Variants in TEKT3 observed in about 807,000 individuals in gnomAD.
The protein encoded by TEKT3 is tektin-3.
In TEKT3, 49 loss-of-function variants were observed where a neutral mutation model predicts 49.8. The observed-to-expected ratio is 0.98, with a 90% confidence interval of 0.78 to 1.25. The LOEUF (loss-of-function observed/expected upper bound fraction) is 1.25. Among genes scored for constraint, TEKT3 ranks in the 50% most tolerant of loss-of-function variants. TEKT3 has a pLI of 0.00. For synonymous variants in TEKT3, 225 were observed against 237.2 expected, an observed-to-expected ratio of 0.95 and a Z score of 0.47; for missense variants, 595 against 629.5, an observed-to-expected ratio of 0.95 and a Z score of 0.59.
chr17:15,337,795 C>A (rs1912050888), intron 2 of TEKT3, among the ~76,000 whole-genome samples: 1 of 152,106 alleles, frequency 6.6e-6, no homozygotes, highest in South Asian at 2.1e-4. Flanking sequence ...GAGCCGAGAT[C>A]ATGCCACTGC....
intron 4 of TEKT3, among the ~76,000 whole-genome samples, chr17:15,323,861 C>T (rs560425318): frequency 6.7e-6 from 1 of 150,198 alleles, no homozygotes; most frequent in Non-Finnish European, 1.5e-5. Context: ...GATAAAGGAC[C>T]CCCCTGCTAC....
chr17:15,333,694 G>T (rs1440384670), intron 2 of TEKT3, among the ~76,000 whole-genome samples: 1 of 150,680 alleles, frequency 6.6e-6, no homozygotes, highest in Non-Finnish European at 1.5e-5. Flanking sequence ...AACTTCAAGT[G>T]GTGATGGACC....
intron 2 of TEKT3, among the ~76,000 whole-genome samples, chr17:15,332,185 C>T (rs1033933241): frequency 1.3e-5 from 2 of 151,808 alleles, no homozygotes; most frequent in African/African-American, 4.8e-5. Context: ...AGAGAGACTC[C>T]GTCTAAAAAA....
intron 3 of TEKT3, 45 bp downstream of exon 3, chr17:15,330,962 G>T: frequency 6.7e-7 from 1 of 1,502,084 alleles, no homozygotes. Context: ...TCAACCAGTG[G>T]GTTATAATCA....
chr17:15,310,703 A>C (rs978003761), intron 7 of TEKT3, among the ~76,000 whole-genome samples: 11 of 152,154 alleles, frequency 7.2e-5, no homozygotes, highest in Admixed American at 2.6e-4. Flanking sequence ...TGGTACTTTG[A>C]GTTAGGGCAG....
chr17:15,333,864 A>G (rs1005606946), intron 2 of TEKT3, among the ~76,000 whole-genome samples: 1 of 151,820 alleles, frequency 6.6e-6, no homozygotes, highest in Non-Finnish European at 1.5e-5. Context: ...GGTTCACACC[A>G]TTCTCCTGCC....
chr17:15,319,122 T>G lies in TEKT3; in HGVS notation c.689A>C (p.Gln230Pro), dbSNP rs1911145242. ...LTEVDTILCCQERMKLHLDKA... is the reference protein window; with the variant it reads ...LTEVDTILCCPERMKLHLDKA... ...ATCCAAATGTAGCTTCATTCTTTCT[T>G]GACAACACAGAATAGTATCAACTTC... Residue 230 changes from glutamine (Q) to proline (P), a missense_variant, in exon 5 of 9, where the codon CAA becomes CCA. Gln to Pro is a moderately conservative substitution (Grantham distance 76, BLOSUM62 -1). Transcript: ENST00000395930. 1 of 1,611,354 alleles carries G rather than the reference T, an allele frequency of 6.2e-7. No homozygotes were observed. Among genetic ancestry groups the G allele is most frequent in the Non-Finnish European group, 8.5e-7 (1 of 1,179,050 alleles).
chr17:15,338,293 A>C (rs752414914), intron 2 of TEKT3, among the ~76,000 whole-genome samples: 3 of 152,202 alleles, frequency 2.0e-5, no homozygotes, highest in Non-Finnish European at 2.9e-5. Context: ...AAGAGTTAGA[A>C]AACCTGAGTA....
At chr17:15,309,132 A>C (rs925408846) in intron 7 of TEKT3, among the ~76,000 whole-genome samples, 15 of 152,156 alleles carry the variant, frequency 9.9e-5, no homozygotes, top group Non-Finnish European at 1.5e-4. Flanking sequence ...CAAATGCTCC[A>C]AATTAGGGGC....
At position 15,328,023 on chromosome 17, in the gene TEKT3, A is replaced by C. The variant is rs528351512; in HGVS notation, c.632T>G (p.Val211Gly). ...HREKRMGIDL[V>G]HDEVEAQLLT... ...CAGTTGTGCTTCAACTTCATCGTGA[A>C]CTAGGTCGATTCCCATTCTCTTTTC... is the stretch of plus-strand genomic sequence containing the variant. Residue 211 changes from valine to glycine, a missense_variant, in exon 4 of 9, where the codon GTT (valine) becomes GGT (glycine). Physicochemically the swap from Val to Gly is moderately radical, Grantham distance 109. Coordinates refer to ENST00000395930, the MANE Select transcript of TEKT3 (RefSeq NM_031898.3). 5.6e-6 allele frequency: 9 copies of C among 1,614,108 alleles called. No homozygotes were observed. Among genetic ancestry groups the C allele is most frequent in the Non-Finnish European group, 7.6e-6 (9 of 1,179,982 alleles).
intron 2 of TEKT3, among the ~76,000 whole-genome samples, chr17:15,333,089 T>A (rs918594699): frequency 6.6e-6 from 1 of 152,082 alleles, no homozygotes; most frequent in Non-Finnish European, 1.5e-5. Flanking sequence ...CAGATCTACT[T>A]CATTCTTTTT....
Position 15,304,104 on chromosome 17 carries a change from C to A in TEKT3, c.1305G>T (p.Gln435His), listed in dbSNP as rs760671396. 2 of 1,614,172 alleles carry A rather than the reference C, an allele frequency of 1.2e-6. No homozygotes were observed. The highest frequency in any genetic ancestry group is 1.7e-6 in the Non-Finnish European group (2 of 1,180,024). ...TGTCCTCTGCATCCCTCAGGCGCTG[C>A]TGCAGGGTCTGGATGGTGTCGTCAA... is the stretch of plus-strand genomic sequence containing the variant. ...HEVDDTIQTLQQRLRDAEDTL... is the reference protein window; with the variant it reads ...HEVDDTIQTLHQRLRDAEDTL... Residue 435 changes from glutamine to histidine, a missense_variant, in exon 9 of 9, where the codon CAG (glutamine) becomes CAT (histidine). Transcript: ENST00000395930. This position sits in a 1 kb window ranked among gnomAD's most constrained non-coding sequence, Gnocchi z 4.7.
Position 15,322,121 on chromosome 17 carries a change from T to C in TEKT3, c.664-2974A>G, listed in dbSNP as rs139831359. On this transcript the variant is annotated intron_variant, in intron 4 of 8. Coordinates refer to ENST00000395930, the MANE Select transcript of TEKT3 (RefSeq NM_031898.3). ...GTTGGGAGGTTGCTTGGTGGTTAAATGTGCGTTGCTCCAGTGATAGATGCT... is the reference window on the plus strand; with the variant it reads ...GTTGGGAGGTTGCTTGGTGGTTAAACGTGCGTTGCTCCAGTGATAGATGCT... Among the ~76,000 whole-genome samples the C allele has an allele frequency of 7.7e-4, 117 of 152,294 alleles. 3 individuals carry two copies. The East Asian group carries it at 0.022, about 29-fold the overall frequency.
At chr17:15,330,566 A>G (rs1911680218) in intron 3 of TEKT3, among the ~76,000 whole-genome samples, 1 of 152,130 alleles carries the variant, frequency 6.6e-6, no homozygotes, top group South Asian at 2.1e-4. Context: ...TTCTGCCATG[A>G]TTGGAAGCTT....
intron 6 of TEKT3, among the ~76,000 whole-genome samples, chr17:15,313,419 G>A (rs1336619963): frequency 2.0e-5 from 3 of 152,166 alleles, no homozygotes; most frequent in African/African-American, 7.2e-5. Context: ...ACAAGCTGTG[G>A]TAGGAAAGGC....
chr17:15,342,857 C>T (rs1053305469), upstream of TEKT3, among the ~76,000 whole-genome samples: 12 of 152,226 alleles, frequency 7.9e-5, no homozygotes, highest in African/African-American at 2.9e-4. Flanking sequence ...CACTGCAAAT[C>T]CTGACTAGTT....
At chr17:15,321,862 G>A (rs911426257) in intron 4 of TEKT3, among the ~76,000 whole-genome samples, 4 of 152,176 alleles carry the variant, frequency 2.6e-5, no homozygotes, top group Admixed American at 2.0e-4. Flanking sequence ...CCTACTATTT[G>A]AGCGGCTGAA....
intron 2 of TEKT3, among the ~76,000 whole-genome samples, chr17:15,339,463 T>C (rs937682812): frequency 6.6e-6 from 1 of 152,160 alleles, no homozygotes; most frequent in African/African-American, 2.4e-5. Flanking sequence ...ATTTACATAC[T>C]GAAAAAAATG....
chr17:15,332,486 T>C (rs552598098), intron 2 of TEKT3, among the ~76,000 whole-genome samples: 263 of 152,300 alleles, frequency 1.7e-3, no homozygotes, highest in African/African-American at 6.0e-3. Flanking sequence ...TGAGCAGTGG[T>C]AGCAGCAGGG....
Sources: allele counts gnomAD v4.1 joint callset (sites outside exome capture counted in the v4.1 genomes callset), GRCh38; gene constraint gnomAD v4.1.1; non-coding constraint Gnocchi (gnomAD v3.1); transcripts MANE v1.5; gene names NCBI Gene and HGNC (gene_info 2026-07-23, HGNC 2026-07-21).